The following RANBP17 variants were observed in gnomAD, a reference collection of about 807,000 sequenced individuals.
The protein encoded by RANBP17 is ran-binding protein 17.
A neutral mutation model predicts 141.2 loss-of-function variants in RANBP17; 158 were observed. That is an observed-to-expected ratio of 1.12 (90% CI 0.98 to 1.28). The LOEUF (loss-of-function observed/expected upper bound fraction) is 1.28. Among genes scored for constraint, RANBP17 ranks in the 50% most tolerant of loss-of-function variants. The probability of loss-of-function intolerance (pLI) is 0.00; values close to 1 mark genes in which losing one functional copy is unlikely to be tolerated. For synonymous variants in RANBP17, 430 were observed against 450.0 expected (o/e 0.96, Z 0.56); for missense variants, 1,438 against 1,290.7 (o/e 1.11, Z -1.75).
rs202170227 is a variant in RANBP17, at chr5:170,876,156, C to T, written c.19-1941C>T. 2.6e-5 allele frequency among the ~76,000 whole-genome samples: 4 copies of T among 152,082 alleles called. No individual in the cohort carries two copies. In the East Asian group the frequency reaches 5.8e-4, roughly 22 times the overall value. Reference sequence around the variant, plus strand: ...ATCTCTGTCCTCGAGGGGCACCAACCGCTTCACTTGGCTGGGAGTAGGGGC... The same window carrying T: ...ATCTCTGTCCTCGAGGGGCACCAACTGCTTCACTTGGCTGGGAGTAGGGGC... On this transcript the variant is annotated intron_variant, in intron 1 of 27. Coordinates refer to ENST00000523189, the MANE Select transcript of RANBP17 (RefSeq NM_022897.5).
intron 14 of RANBP17, among the ~76,000 whole-genome samples, chr5:171,124,329 A>G (rs1251216293): frequency 2.0e-5 from 3 of 152,140 alleles, no homozygotes; most frequent in Admixed American, 2.0e-4. Flanking sequence ...AAGAATAAAA[A>G]TTAATGAAGA....
intron 14 of RANBP17, among the ~76,000 whole-genome samples, chr5:171,129,318 C>G: frequency 6.6e-6 from 1 of 152,082 alleles, no homozygotes; most frequent in East Asian, 1.9e-4. Context: ...ACATTTGTTG[C>G]AAAAATGCAA....
chr5:170,918,562 CTA>C (rs1301058738), intron 9 of RANBP17, 149 bp from the exon 10 acceptor site: 1 of 501,216 alleles, frequency 2.0e-6, no homozygotes, highest in African/African-American at 2.0e-5. Flanking sequence ...AAGAATCCCT[CTA>C]TTTTTTTACA....
intron 25 of RANBP17, among the ~76,000 whole-genome samples, chr5:171,276,231 A>G (rs1021022521): frequency 1.3e-5 from 2 of 152,246 alleles, no homozygotes; most frequent in African/African-American, 4.8e-5. Flanking sequence ...TGTGAATGAC[A>G]GTACATCTTT....
chr5:171,298,771 A>G lies in RANBP17; in HGVS notation c.3180A>G (p.Gln1060=), dbSNP rs1171211592. ...CTTCCTCTTTCTGCAGGTTCACCCA[A>G]AATCTGTCTGTATTCAGAAGAGATG... The part of the protein sequence containing the change: ...LSVKNRDRFT[Q]NLSVFRRDVA... Residue 1060 remains glutamine, a synonymous_variant, in exon 28 of 28, where the codon CAA becomes CAG. Transcript: ENST00000523189. The G allele has an allele frequency of 9.9e-6, 16 of 1,613,850 alleles. No homozygotes were observed. The highest frequency in any genetic ancestry group is 1.3e-5 in the African/African-American group (1 of 74,934).
chr5:170,992,757 T>A (rs1399352056), intron 14 of RANBP17, among the ~76,000 whole-genome samples: 2 of 151,888 alleles, frequency 1.3e-5, no homozygotes, highest in East Asian at 3.9e-4. Flanking sequence ...AGGTAAGATT[T>A]TTATGTATAT....
At chr5:171,295,117 T>G (rs2128046103) in intron 26 of RANBP17, among the ~76,000 whole-genome samples, 1 of 152,324 alleles carries the variant, frequency 6.6e-6, no homozygotes, top group Non-Finnish European at 1.5e-5. Flanking sequence ...AAATTAAATA[T>G]CATGCTTTTG....
intron 27 of RANBP17, 68 bp downstream of exon 27, chr5:171,296,082 T>C (rs951663262): frequency 1.3e-6 from 2 of 1,526,036 alleles, no homozygotes; most frequent in Admixed American, 1.7e-5. Flanking sequence ...AATAACTCTC[T>C]CGTGCTTGAC....
At chr5:170,964,993 A>C (rs1445728393) in intron 13 of RANBP17, among the ~76,000 whole-genome samples, 1 of 152,174 alleles carries the variant, frequency 6.6e-6, no homozygotes, top group African/African-American at 2.4e-5. Context: ...ACAATGGTTG[A>C]ACTAGTTTAC....
chr5:171,284,760 T>C (rs1343876580), intron 25 of RANBP17: 1 of 152,270 alleles, frequency 6.6e-6, no homozygotes, highest in Non-Finnish European at 1.5e-5. Context: ...CTGTCTCTGC[T>C]ACCCTACCCC....
chr5:171,205,667 C>T (rs746356703), intron 20 of RANBP17, 55 bp downstream of exon 20: 9 of 1,408,980 alleles, frequency 6.4e-6, no homozygotes, highest in Admixed American at 3.4e-5. Flanking sequence ...GATGCCAGGC[C>T]CCTCGCTTTC....
chr5:170,974,068 G>A (rs771053137), intron 14 of RANBP17, among the ~76,000 whole-genome samples: 6 of 152,116 alleles, frequency 3.9e-5, no homozygotes, highest in South Asian at 2.1e-4. Flanking sequence ...TGCAAAACAC[G>A]CCATTCCATT....
chr5:170,917,789 A>G (rs960184506), intron 9 of RANBP17, among the ~76,000 whole-genome samples: 1 of 152,140 alleles, frequency 6.6e-6, no homozygotes, highest in African/African-American at 2.4e-5. Context: ...TTTCTCTTAA[A>G]TGATTTTCCA....
chr5:170,886,497 A>G (rs77199829), intron 3 of RANBP17, among the ~76,000 whole-genome samples: 4,074 of 152,234 alleles, frequency 0.027, 168 homozygotes, highest in African/African-American at 0.093. Flanking sequence ...AACATGTACA[A>G]TCTAAGCGTG....
chr5:171,126,615 TAAATC>T (rs1756487498), intron 14 of RANBP17, among the ~76,000 whole-genome samples: 1 of 151,932 alleles, frequency 6.6e-6, no homozygotes, highest in South Asian at 2.1e-4. Context: ...CCCAAATAAA[TAAATC>T]CAGAAACAAA....
At chr5:171,255,665 A>G (rs925265872) in intron 24 of RANBP17, among the ~76,000 whole-genome samples, 3 of 152,188 alleles carry the variant, frequency 2.0e-5, no homozygotes, top group Non-Finnish European at 4.4e-5. Context: ...ATATACTTTT[A>G]AAACATATAG....
intron 16 of RANBP17, among the ~76,000 whole-genome samples, chr5:171,182,453 A>G (rs1760921744): frequency 6.6e-6 from 1 of 152,226 alleles, no homozygotes; most frequent in African/African-American, 2.4e-5. Flanking sequence ...CTTTGGAACC[A>G]AACTACAGTT....
chr5:171,259,814 C>T (rs1000864897), intron 24 of RANBP17, among the ~76,000 whole-genome samples: 3 of 151,706 alleles, frequency 2.0e-5, no homozygotes, highest in South Asian at 4.2e-4. Flanking sequence ...AACCCCATCT[C>T]TACTAAAAGT....
intron 21 of RANBP17, among the ~76,000 whole-genome samples, chr5:171,215,084 G>GT (rs1438439140): frequency 6.6e-6 from 1 of 151,192 alleles, no homozygotes; most frequent in African/African-American, 2.4e-5. Flanking sequence ...GCCCCGGTGT[G>GT]TGATGTTCCC....
Sources: gnomAD v4.1 joint callset for allele counts (sites outside exome capture counted in the v4.1 genomes callset) on GRCh38, gnomAD v4.1.1 for gene constraint, MANE v1.5 for transcripts, NCBI Gene and HGNC (gene_info 2026-07-23, HGNC 2026-07-21) for gene names.